GPC5: variants seen among roughly 807,000 people sequenced by gnomAD.
The protein encoded by GPC5 is glypican-5.
In GPC5, 47 loss-of-function variants were observed where a neutral mutation model predicts 53.9. The ratio of observed to expected loss-of-function variants is 0.87; its 90% CI spans 0.69 to 1.11. GPC5 has a LOEUF of 1.11. GPC5 is among the 50% of genes most tolerant of loss of function. The pLI is 0.00. For missense variants in GPC5, 748 were observed against 713.1 expected (o/e 1.05, Z -0.56); for synonymous variants, 286 against 263.3 (o/e 1.09, Z -0.84).
chr13:91,811,426 C>T (rs1219036776), intron 5 of GPC5, among the ~76,000 whole-genome samples: 1 of 151,790 alleles, frequency 6.6e-6, no homozygotes, highest in Non-Finnish European at 1.5e-5. Flanking sequence ...ATTTTTTTCT[C>T]AATTATGTTG....
intron 7 of GPC5, among the ~76,000 whole-genome samples, chr13:92,298,362 T>C (rs2043052833): frequency 6.6e-6 from 1 of 152,156 alleles, no homozygotes; most frequent in Non-Finnish European, 1.5e-5. Flanking sequence ...TCAGTTCAAA[T>C]TGTTACAAAA....
In GPC5 at chr13:91,971,842, C is replaced by A. The variant is rs976549026; in HGVS notation, c.1401+63785C>A. Among the ~76,000 whole-genome samples the A allele has an allele frequency of 6.6e-4, 101 of 152,044 alleles. 1 individual carries two copies. The South Asian group carries it at 1.0e-2, about 15-fold the overall frequency. ...TGTGGTCTGAGAGACAGTTTGTTATCATTTCTGTTCTTTTACATTTGCTGA... is the reference window on the plus strand; with the variant it reads ...TGTGGTCTGAGAGACAGTTTGTTATAATTTCTGTTCTTTTACATTTGCTGA... On this transcript the variant is annotated intron_variant, in intron 6 of 7. Transcript: ENST00000377067.
intron 1 of GPC5, among the ~76,000 whole-genome samples, chr13:91,404,835 G>A (rs1316104190): frequency 6.6e-6 from 1 of 152,146 alleles, no homozygotes; most frequent in Admixed American, 6.5e-5. Context: ...AATAACCACC[G>A]AAATGCCTTT....
intron 7 of GPC5, among the ~76,000 whole-genome samples, chr13:92,567,659 C>G (rs1261746021): frequency 6.6e-6 from 1 of 151,996 alleles, no homozygotes; most frequent in Non-Finnish European, 1.5e-5. Flanking sequence ...AGGAAGGGGC[C>G]CAGCAGCCAA....
intron 7 of GPC5, among the ~76,000 whole-genome samples, chr13:92,693,537 C>T (rs954385770): frequency 2.0e-5 from 3 of 152,068 alleles, no homozygotes; most frequent in African/African-American, 7.2e-5. Context: ...TTTTGCTCTT[C>T]CCTAGAGATC....
rs2040673367 is a variant in GPC5 at position 92,012,794 on chromosome 13, C to G, written c.1401+104737C>G. Among the ~76,000 whole-genome samples the G allele has an allele frequency of 3.3e-5, 5 of 152,306 alleles. No homozygotes were observed. In the South Asian group the frequency reaches 1.0e-3, roughly 32 times the overall value. On this transcript the variant is annotated intron_variant, in intron 6 of 7. Transcript: ENST00000377067. ...ACTTTAAAATAAGAATTAAGAATTA[C>G]TGATGCTGGATTTCTCTTGGCCCCT...
chr13:91,976,674 A>T (rs895004957), intron 6 of GPC5, among the ~76,000 whole-genome samples: 1 of 152,164 alleles, frequency 6.6e-6, no homozygotes, highest in Non-Finnish European at 1.5e-5. Flanking sequence ...CAGTTCCTTG[A>T]TACTATTTGG....
chr13:91,603,947 T>C (rs1055931349), intron 2 of GPC5, among the ~76,000 whole-genome samples: 11 of 149,536 alleles, frequency 7.4e-5, no homozygotes, highest in African/African-American at 2.7e-4. Flanking sequence ...CTGTTCTTAC[T>C]AGTTTTTTTT....
chr13:91,436,884 A>G (rs1880016199), intron 1 of GPC5, among the ~76,000 whole-genome samples: 1 of 152,194 alleles, frequency 6.6e-6, no homozygotes, highest in Admixed American at 6.5e-5. Context: ...TATTGGGTGC[A>G]TATATATTTA....
rs547595967 is a variant in GPC5 at position 92,070,979 on chromosome 13, T to C, written c.1402-73851T>C. ...TTGGCCAGGAGTGGTGGCTCACGCC[T>C]GTAATCCCAGCACTTTGGGAGGCTG... On this transcript the variant is annotated intron_variant, in intron 6 of 7. Transcript: ENST00000377067. 5.3e-5 allele frequency among the ~76,000 whole-genome samples: 8 copies of C among 152,328 alleles called. No individual in the cohort carries two copies. In the South Asian group the frequency reaches 1.0e-3, roughly 20 times the overall value.
chr13:91,938,211 A>T (rs981500225), intron 6 of GPC5, among the ~76,000 whole-genome samples: 3 of 152,046 alleles, frequency 2.0e-5, no homozygotes, highest in African/African-American at 7.2e-5. Flanking sequence ...TATTGCCATC[A>T]TCTCCTCCAC....
chr13:91,516,373 GCC>G (rs1412936932), intron 2 of GPC5, among the ~76,000 whole-genome samples: 3 of 152,100 alleles, frequency 2.0e-5, no homozygotes, highest in Admixed American at 6.6e-5. Context: ...AGATTACAGG[GCC>G]CATGCAAGTC....
At chr13:92,662,782 C>G (rs924122160) in intron 7 of GPC5, among the ~76,000 whole-genome samples, 2 of 152,182 alleles carry the variant, frequency 1.3e-5, no homozygotes, top group African/African-American at 2.4e-5. Context: ...TTAGTTTACA[C>G]TCCAAAGTTT....
intron 2 of GPC5, among the ~76,000 whole-genome samples, chr13:91,541,738 A>T (rs1594229097): frequency 6.6e-6 from 1 of 152,130 alleles, no homozygotes; most frequent in East Asian, 1.9e-4. Context: ...GCAGTTCTTA[A>T]ATTATGTTTT....
intron 7 of GPC5, among the ~76,000 whole-genome samples, chr13:92,168,178 A>C (rs1443266727): frequency 6.6e-6 from 1 of 152,184 alleles, no homozygotes; most frequent in Non-Finnish European, 1.5e-5. Context: ...ACCTTATACA[A>C]AAATTAACTG....
At position 92,364,525 on chromosome 13, in the gene GPC5, T is replaced by TA. The variant is rs1225859436; in HGVS notation, c.1561+219537dup. Among the ~76,000 whole-genome samples, 5 of 151,754 alleles carry TA rather than the reference T, an allele frequency of 3.3e-5. No individual in the cohort carries two copies. In the East Asian group the frequency reaches 9.7e-4, roughly 29 times the overall value. On this transcript the variant is annotated intron_variant, in intron 7 of 7. Coordinates refer to ENST00000377067, the MANE Select transcript of GPC5 (RefSeq NM_004466.6). The stretch of plus-strand genomic sequence containing the variant: ...GCGGGTGGATCACGAGGTCAGGAGA[T>TA]AGAGACCATCCTGGCTAACATGGTG...
rs375786729 is a variant in GPC5 at position 91,479,260 on chromosome 13, C to G, written c.325+30338C>G. Among the ~76,000 whole-genome samples, 15 of 152,008 alleles carry G rather than the reference C, an allele frequency of 9.9e-5. No homozygotes were observed. The East Asian group carries it at 1.9e-3, about 20-fold the overall frequency. On this transcript the variant is annotated intron_variant, in intron 2 of 7. Transcript: ENST00000377067. Reference sequence around the variant, plus strand: ...TAATGAAATTTTTAGGATTTTAGCACTATTAGTAATTTACACCTAAAAATT... The same window carrying G: ...TAATGAAATTTTTAGGATTTTAGCAGTATTAGTAATTTACACCTAAAAATT...
At chr13:92,097,243 G>A (rs1042911812) in intron 6 of GPC5, among the ~76,000 whole-genome samples, 1 of 152,150 alleles carries the variant, frequency 6.6e-6, no homozygotes, top group Non-Finnish European at 1.5e-5. Flanking sequence ...AGCTGAAGAG[G>A]TTTCCTAGAA....
At chr13:92,218,357 A>T (rs751549335) in intron 7 of GPC5, among the ~76,000 whole-genome samples, 1 of 152,084 alleles carries the variant, frequency 6.6e-6, no homozygotes, top group Non-Finnish European at 1.5e-5. Context: ...TTGCTATTTT[A>T]TTTCTTCATT....
Sources: allele counts gnomAD v4.1 joint callset (sites outside exome capture counted in the v4.1 genomes callset), GRCh38; gene constraint gnomAD v4.1.1; transcripts MANE v1.5; gene names NCBI Gene and HGNC (gene_info 2026-07-23, HGNC 2026-07-21).